EP300: variants seen among roughly 807,000 people sequenced by gnomAD.
EP300 encodes histone acetyltransferase p300.
A neutral mutation model predicts 264.0 loss-of-function variants in EP300; 31 were observed. That is an observed-to-expected ratio of 0.12 (90% CI 0.09 to 0.16). The LOEUF (loss-of-function observed/expected upper bound fraction) is 0.16. Among genes scored for constraint, EP300 ranks in the 10% least tolerant of loss-of-function variants. EP300 has a pLI of 1.00. For synonymous variants in EP300, 1,340 were observed against 1,045.4 expected (o/e 1.28, Z -5.44); for missense variants, 2,766 against 3,052.9 (o/e 0.91, Z 2.21).
intron 2 of EP300, among the ~76,000 whole-genome samples, chr22:41,118,376 T>G (rs1451902789): frequency 6.6e-6 from 1 of 152,230 alleles, no homozygotes; most frequent in Non-Finnish European, 1.5e-5. Flanking sequence ...CTAAGTATAT[T>G]AAAAATATTT....
At chr22:41,163,608 G>C (rs995682378) in intron 21 of EP300, among the ~76,000 whole-genome samples, 2 of 151,666 alleles carry the variant, frequency 1.3e-5, no homozygotes, top group Non-Finnish European at 1.5e-5. Flanking sequence ...TTAGCTGTGC[G>C]TGGTGGTGCG....
intron 22 of EP300, 130 bp from the exon 23 acceptor site, chr22:41,166,469 A>T: frequency 1.5e-6 from 1 of 688,422 alleles, no homozygotes. Flanking sequence ...TTTGTGTATT[A>T]GTTTTATTAA....
intron 23 of EP300, among the ~76,000 whole-genome samples, chr22:41,167,533 A>C (rs149599766): frequency 7.0e-6 from 1 of 143,670 alleles, no homozygotes. Flanking sequence ...TAGGCAAAGT[A>C]CATAGAGATG....
At chr22:41,093,327 T>C (rs1033153438) in intron 1 of EP300, among the ~76,000 whole-genome samples, 3 of 152,242 alleles carry the variant, frequency 2.0e-5, no homozygotes, top group East Asian at 1.9e-4. Context: ...GTTCTGGAAT[T>C]AGAGCTCGTA....
At chr22:41,150,397 A>C (rs1412626877) in intron 14 of EP300, among the ~76,000 whole-genome samples, 199 bp downstream of exon 14, 1 of 152,152 alleles carries the variant, frequency 6.6e-6, no homozygotes, top group African/African-American at 2.4e-5. Flanking sequence ...GAGCATAAAG[A>C]TTTTATTTAG....
intron 18 of EP300, 33 bp downstream of exon 18, chr22:41,157,441 T>A (rs370941719): frequency 6.2e-7 from 1 of 1,610,984 alleles, no homozygotes; most frequent in Non-Finnish European, 8.5e-7. Flanking sequence ...GACTTTAACT[T>A]TTCTGGGATA....
chr22:41,103,923 G>C (rs2145680038), intron 1 of EP300, among the ~76,000 whole-genome samples: 1 of 151,750 alleles, frequency 6.6e-6, no homozygotes, highest in South Asian at 2.1e-4. Context: ...GGAAGTTTTT[G>C]GTACATTGTA....
At chr22:41,100,644 T>C (rs1371984169) in intron 1 of EP300, among the ~76,000 whole-genome samples, 2 of 147,922 alleles carry the variant, frequency 1.4e-5, no homozygotes, top group African/African-American at 5.4e-5. Flanking sequence ...CACCAACTAT[T>C]TATGTTGCAT....
At chr22:41,109,246 C>T (rs1248931507) in intron 1 of EP300, among the ~76,000 whole-genome samples, 6 of 128,918 alleles carry the variant, frequency 4.7e-5, no homozygotes, top group Non-Finnish European at 9.8e-5. Flanking sequence ...AGAGCAAGAC[C>T]CTGTCTCAAA....
At chr22:41,128,058 A>G (rs2058893179) in intron 4 of EP300, among the ~76,000 whole-genome samples, 1 of 152,134 alleles carries the variant, frequency 6.6e-6, no homozygotes, top group Non-Finnish European at 1.5e-5. Context: ...CTGAGGGACT[A>G]AGAAGGCTGA....
intron 1 of EP300, among the ~76,000 whole-genome samples, chr22:41,104,435 G>T (rs914477123): frequency 6.6e-6 from 1 of 151,808 alleles, no homozygotes; most frequent in African/African-American, 2.4e-5. Flanking sequence ...GATTACAGGC[G>T]CCCGCCACCA....
chr22:41,110,058 C>T (rs1387351761), intron 1 of EP300, among the ~76,000 whole-genome samples: 2 of 150,854 alleles, frequency 1.3e-5, no homozygotes, highest in Admixed American at 1.3e-4. Flanking sequence ...ATCTGCTCGC[C>T]TCGGCCTCCC....
intron 26 of EP300, 65 bp from the exon 27 acceptor site, chr22:41,170,341 T>C: frequency 1.3e-6 from 2 of 1,512,878 alleles, no homozygotes; most frequent in Non-Finnish European, 1.8e-6. Flanking sequence ...ACTTGTGGTT[T>C]AAAATGTAGC....
At chr22:41,129,044 T>C (rs1395782612) in intron 4 of EP300, among the ~76,000 whole-genome samples, 1 of 152,060 alleles carries the variant, frequency 6.6e-6, no homozygotes, top group Non-Finnish European at 1.5e-5. Flanking sequence ...GGAGTCTCGC[T>C]CTGTCGCCCA....
chr22:41,155,216 G>T, intron 17 of EP300, 103 bp downstream of exon 17: 2 of 974,576 alleles, frequency 2.1e-6, no homozygotes, highest in Non-Finnish European at 3.2e-6. Flanking sequence ...TTTCAAATTT[G>T]TAATTCAGTG....
intron 23 of EP300, among the ~76,000 whole-genome samples, 158 bp downstream of exon 23, chr22:41,166,824 G>C (rs778162404): frequency 1.3e-5 from 2 of 151,956 alleles, no homozygotes; most frequent in Non-Finnish European, 2.9e-5. Context: ...ATATTTTTTG[G>C]TGTGAAATTT....
chr22:41,145,942 G>A (rs1247909584), intron 10 of EP300, among the ~76,000 whole-genome samples: 1 of 151,920 alleles, frequency 6.6e-6, no homozygotes. Flanking sequence ...AATTATTTCT[G>A]TTTTTGTATT....
chr22:41,176,973 A>G lies in EP300; in HGVS notation c.5262A>G (p.Ser1754=), dbSNP rs886057565. The G allele has an allele frequency of 8.1e-6, 13 of 1,614,166 alleles. No individual in the cohort carries two copies. Among genetic ancestry groups the G allele is most frequent in the Non-Finnish European group, 1.1e-5 (13 of 1,180,026 alleles). ...HACQCRNANC[S]LPSCQKMKRV... is the part of the protein sequence containing the mutation. ...GCCAGTGTCGGAATGCCAATTGCTC[A>G]CTGCCATCCTGCCAGAAGATGAAGC... Residue 1754 remains serine (S), a synonymous_variant, in exon 31 of 31, where the codon TCA becomes TCG. Coordinates refer to ENST00000263253, the MANE Select transcript of EP300 (RefSeq NM_001429.4).
rs1217562225 is a variant in EP300, at chr22:41,177,761, C to T, written c.6050C>T (p.Ser2017Leu). Reference sequence around the variant, plus strand: ...GGGATGCCAAGGCCAGCCATGATGTCAGTGGCCCAGCATGGTCAACCTTTG... The same window carrying T: ...GGGATGCCAAGGCCAGCCATGATGTTAGTGGCCCAGCATGGTCAACCTTTG... ...QSGMPRPAMM[S>L]VAQHGQPLNM... Residue 2017 changes from serine to leucine, a missense_variant, in exon 31 of 31, where the codon TCA becomes TTA. By Grantham distance (145) the Ser-to-Leu change is moderately radical (BLOSUM62 -2). Coordinates refer to ENST00000263253, the MANE Select transcript of EP300 (RefSeq NM_001429.4). 1 of 1,613,814 alleles carries T rather than the reference C, an allele frequency of 6.2e-7. No homozygotes were observed. The highest frequency in any genetic ancestry group is 8.5e-7 in the Non-Finnish European group (1 of 1,180,032).
Sources: allele counts gnomAD v4.1 joint callset (sites outside exome capture counted in the v4.1 genomes callset), GRCh38; gene constraint gnomAD v4.1.1; transcripts MANE v1.5; gene names NCBI Gene and HGNC (gene_info 2026-07-23, HGNC 2026-07-21).